SNTB1: variants seen among roughly 807,000 people sequenced by gnomAD.
The protein encoded by SNTB1 is syntrophin beta 1, also known as beta-1-syntrophin.
In SNTB1, 36 loss-of-function variants were observed where a neutral mutation model predicts 48.9. The observed-to-expected ratio is 0.74, with a 90% CI of 0.56 to 0.97. SNTB1 has a LOEUF of 0.97. Among genes scored for constraint, SNTB1 ranks in the 50% least tolerant of loss-of-function variants. The probability of loss-of-function intolerance (pLI) is 0.00; values close to 1 mark genes in which losing one functional copy is unlikely to be tolerated. For synonymous variants in SNTB1, 299 were observed against 294.6 expected, an observed-to-expected ratio of 1.01 and a Z score of -0.15; for missense variants, 786 against 703.4, an observed-to-expected ratio of 1.12 and a Z score of -1.33.
chr8:120,742,672 C>T (rs56212702), intron 1 of SNTB1, among the ~76,000 whole-genome samples: 19,995 of 152,116 alleles, frequency 0.13, 1,717 homozygotes, highest in African/African-American at 0.24. Context: ...TTAAATGGTG[C>T]CTTTACAGAC....
At chr8:120,595,628 G>A (rs1287122997) in intron 3 of SNTB1, among the ~76,000 whole-genome samples, 1 of 151,678 alleles carries the variant, frequency 6.6e-6, no homozygotes, top group African/African-American at 2.4e-5. Flanking sequence ...TTGTTGCCCA[G>A]GCTGGAGTGC....
chr8:120,668,201 G>A (rs896737591), intron 2 of SNTB1, among the ~76,000 whole-genome samples: 4 of 152,140 alleles, frequency 2.6e-5, no homozygotes, highest in African/African-American at 4.8e-5. Flanking sequence ...GCTCTCCTGC[G>A]GTTCCCTCTC....
chr8:120,751,718 C>T (rs1191347371), intron 1 of SNTB1, among the ~76,000 whole-genome samples: 1 of 152,120 alleles, frequency 6.6e-6, no homozygotes, highest in African/African-American at 2.4e-5. Context: ...GAGTCACCTA[C>T]TTAACCTCTA....
chr8:120,805,511 T>A (rs1820321025), intron 1 of SNTB1, among the ~76,000 whole-genome samples: 1 of 151,852 alleles, frequency 6.6e-6, no homozygotes, highest in African/African-American at 2.4e-5. Flanking sequence ...AGCCAAGGCA[T>A]GTGGGTGGTC....
intron 4 of SNTB1, among the ~76,000 whole-genome samples, chr8:120,551,592 G>C (rs977303011): frequency 1.3e-5 from 2 of 151,802 alleles, no homozygotes; most frequent in Admixed American, 1.3e-4. Flanking sequence ...TGGGCATGCT[G>C]GCATGTGCCT....
At chr8:120,629,406 TCA>T (rs1182194221) in intron 3 of SNTB1, among the ~76,000 whole-genome samples, 1 of 152,194 alleles carries the variant, frequency 6.6e-6, no homozygotes, top group African/African-American at 2.4e-5. Context: ...TACAACCTTG[TCA>T]CAGAGTGACT....
chr8:120,599,870 A>G (rs768800207), intron 3 of SNTB1, among the ~76,000 whole-genome samples: 1 of 152,196 alleles, frequency 6.6e-6, no homozygotes, highest in Non-Finnish European at 1.5e-5. Context: ...TGCTAGTGAC[A>G]TGGATAGGTA....
At chr8:120,700,511 C>T (rs1449967621) in intron 1 of SNTB1, among the ~76,000 whole-genome samples, 2 of 152,126 alleles carry the variant, frequency 1.3e-5, no homozygotes, top group Non-Finnish European at 2.9e-5. Flanking sequence ...TAAACCATGT[C>T]CTTTTTGGGC....
chr8:120,540,128 A>G (rs183808630), intron 6 of SNTB1, among the ~76,000 whole-genome samples: 1 of 152,338 alleles, frequency 6.6e-6, no homozygotes, highest in African/African-American at 2.4e-5. Flanking sequence ...TGAGATAGAA[A>G]GAAACGAAAG....
At chr8:120,768,763 C>G (rs1461114217) in intron 1 of SNTB1, 1 of 152,172 alleles carries the variant, frequency 6.6e-6, no homozygotes, top group African/African-American at 2.4e-5. Context: ...CAGTTTTCTT[C>G]TCTGCAAAAG....
chr8:120,560,141 C>T (rs1354483478), intron 4 of SNTB1, among the ~76,000 whole-genome samples: 1 of 152,118 alleles, frequency 6.6e-6, no homozygotes, highest in Non-Finnish European at 1.5e-5. Context: ...GCATCATTTC[C>T]CCCAGCTAGG....
chr8:120,698,121 C>A (rs533439426), intron 1 of SNTB1, among the ~76,000 whole-genome samples: 2 of 152,140 alleles, frequency 1.3e-5, no homozygotes, highest in Non-Finnish European at 2.9e-5. Flanking sequence ...ATTCAAGAAA[C>A]CTAATTTGGC....
intron 2 of SNTB1, among the ~76,000 whole-genome samples, chr8:120,649,345 G>T: frequency 2.1e-5 from 3 of 142,478 alleles, no homozygotes; most frequent in Non-Finnish European, 3.1e-5. Context: ...ATGGGTTTTT[G>T]GTGTGGATGT....
intron 3 of SNTB1, among the ~76,000 whole-genome samples, chr8:120,602,478 T>TC (rs1254866480): frequency 6.6e-6 from 1 of 152,174 alleles, no homozygotes; most frequent in African/African-American, 2.4e-5. Flanking sequence ...AGACCGAGGT[T>TC]CCCCCGAAAG....
intron 1 of SNTB1, among the ~76,000 whole-genome samples, chr8:120,736,590 T>C (rs993048344): frequency 9.2e-5 from 14 of 152,144 alleles, no homozygotes; most frequent in African/African-American, 3.4e-4. Flanking sequence ...AGAAGCAAAG[T>C]GGATATAAAA....
intron 1 of SNTB1, among the ~76,000 whole-genome samples, chr8:120,727,618 T>C (rs1232774866): frequency 1.3e-5 from 2 of 152,226 alleles, no homozygotes; most frequent in Non-Finnish European, 2.9e-5. Flanking sequence ...TTTTTCATCA[T>C]ATGTAGACTA....
chr8:120,797,549 T>C (rs1820142340), intron 1 of SNTB1, among the ~76,000 whole-genome samples: 4 of 127,050 alleles, frequency 3.1e-5, no homozygotes, highest in African/African-American at 1.0e-4. Flanking sequence ...TGTTTCTCTT[T>C]TTTTTTTTTT....
At chr8:120,762,217 C>A (rs141629008) in intron 1 of SNTB1, among the ~76,000 whole-genome samples, 1 of 152,150 alleles carries the variant, frequency 6.6e-6, no homozygotes, top group Non-Finnish European at 1.5e-5. Flanking sequence ...CCAGCTGGCA[C>A]GGGGCATGAG....
At chr8:120,657,436 T>C (rs1817520732) in intron 2 of SNTB1, among the ~76,000 whole-genome samples, 1 of 152,218 alleles carries the variant, frequency 6.6e-6, no homozygotes. Context: ...TTGAAAGGAA[T>C]CTGAGGCCTC....
Sources: gnomAD v4.1 joint callset for allele counts (sites outside exome capture counted in the v4.1 genomes callset) on GRCh38, gnomAD v4.1.1 for gene constraint, MANE v1.5 for transcripts, NCBI Gene and HGNC (gene_info 2026-07-23, HGNC 2026-07-21) for gene names.